Variants in PTPRT observed in about 807,000 individuals in gnomAD.
PTPRT encodes the protein receptor-type tyrosine-protein phosphatase T.
PTPRT carries 56 observed loss-of-function variants against 176.8 expected under a neutral mutation model. That is an observed-to-expected ratio of 0.32 (90% CI 0.26 to 0.40). The LOEUF (loss-of-function observed/expected upper bound fraction) is 0.40. Among genes scored for constraint, PTPRT ranks in the 10% least tolerant of loss-of-function variants. The pLI is 1.00. For missense variants in PTPRT, 1,540 were observed against 1,908.2 expected, an observed-to-expected ratio of 0.81 and a Z score of 3.60; for synonymous variants, 783 against 739.0, an observed-to-expected ratio of 1.06 and a Z score of -0.96.
intron 7 of PTPRT, among the ~76,000 whole-genome samples, chr20:42,647,793 G>A (rs1004007556): frequency 6.6e-6 from 1 of 152,164 alleles, no homozygotes; most frequent in Non-Finnish European, 1.5e-5. Context: ...GGCTCTAGTA[G>A]CCTGTTCCTC....
In PTPRT at chr20:42,700,399, G is replaced by A. The variant is rs2075957533; in HGVS notation, c.860-22240C>T. On this transcript the variant is annotated intron_variant, in intron 6 of 30. Transcript: ENST00000373187. Reference sequence around the variant, plus strand: ...CAAGCTGTGTGGTATAAAAGGATCTGACATGGCTTAGGAAACAGACGCAGA... The same window carrying A: ...CAAGCTGTGTGGTATAAAAGGATCTAACATGGCTTAGGAAACAGACGCAGA... 2.0e-5 allele frequency among the ~76,000 whole-genome samples: 3 copies of A among 152,160 alleles called. No individual in the cohort carries two copies. In the South Asian group the frequency reaches 6.2e-4, roughly 32 times the overall value.
At chr20:42,468,103 C>T (rs1445483775) in intron 8 of PTPRT, among the ~76,000 whole-genome samples, 1 of 152,232 alleles carries the variant, frequency 6.6e-6, no homozygotes, top group Non-Finnish European at 1.5e-5. Context: ...GGCTCAGCAG[C>T]CATGAGCTGC....
Position 42,739,282 on chromosome 20 carries a change from A to C in PTPRT, c.859+17180T>G, listed in dbSNP as rs543733965. Reference sequence around the variant, plus strand: ...TAACAAGGCATTAATAAGAAATGAAAGGGAGAGATAAAAAAAAAGCAGGAT... The same window carrying C: ...TAACAAGGCATTAATAAGAAATGAACGGGAGAGATAAAAAAAAAGCAGGAT... On this transcript the variant is annotated intron_variant, in intron 6 of 30. Transcript: ENST00000373187. Among the ~76,000 whole-genome samples, 499 of 80,830 alleles carry C rather than the reference A, an allele frequency of 6.2e-3. 2 individuals are homozygous for C. The highest frequency in any genetic ancestry group is 8.1e-3 in the Non-Finnish European group (320 of 39,456). 53.0% of individuals were successfully genotyped at this position (80,830 alleles called of 152,430 possible).
At chr20:42,776,224 G>A (rs983710122) in intron 4 of PTPRT, among the ~76,000 whole-genome samples, 3 of 152,236 alleles carry the variant, frequency 2.0e-5, no homozygotes, top group African/African-American at 7.2e-5. Context: ...TATGCTCTAA[G>A]TTTCTTCATT....
intron 1 of PTPRT, among the ~76,000 whole-genome samples, chr20:43,107,983 A>G (rs1208964456): frequency 6.6e-6 from 1 of 152,236 alleles, no homozygotes; most frequent in Non-Finnish European, 1.5e-5. Context: ...GGAAAGCTGA[A>G]GAAATGGGAG....
At chr20:42,667,008 G>A (rs1026948602) in intron 7 of PTPRT, among the ~76,000 whole-genome samples, 6 of 152,150 alleles carry the variant, frequency 3.9e-5, no homozygotes, top group Non-Finnish European at 8.8e-5. Context: ...TAAGAATTCT[G>A]ATCAGTAATG....
intron 6 of PTPRT, among the ~76,000 whole-genome samples, chr20:42,734,693 A>G (rs2076512368): frequency 6.6e-6 from 1 of 152,206 alleles, no homozygotes; most frequent in African/African-American, 2.4e-5. Flanking sequence ...GTACGCAGAT[A>G]CTTGTTTCTT....
intron 17 of PTPRT, among the ~76,000 whole-genome samples, chr20:42,157,479 A>G (rs538989480): frequency 6.6e-6 from 1 of 151,524 alleles, no homozygotes; most frequent in East Asian, 2.0e-4. Context: ...CAGAGTACCT[A>G]GGGTTACAGG....
intron 9 of PTPRT, among the ~76,000 whole-genome samples, chr20:42,409,750 A>C (rs1490423975): frequency 2.0e-5 from 3 of 152,248 alleles, no homozygotes; most frequent in African/African-American, 7.2e-5. Context: ...GCCATGGGCC[A>C]AATTCAACCT....
At chr20:43,173,033 C>A (rs569719502) in intron 1 of PTPRT, among the ~76,000 whole-genome samples, 1 of 151,988 alleles carries the variant, frequency 6.6e-6, no homozygotes, top group Non-Finnish European at 1.5e-5. Flanking sequence ...CCACCAGACA[C>A]GGCTAATTTT....
intron 1 of PTPRT, among the ~76,000 whole-genome samples, chr20:43,135,893 A>C (rs1479298440): frequency 6.6e-6 from 1 of 152,222 alleles, no homozygotes; most frequent in Non-Finnish European, 1.5e-5. Flanking sequence ...AGTCACATGG[A>C]ATAAATTTTA....
chr20:42,468,312 G>A (rs1294333547), intron 8 of PTPRT, among the ~76,000 whole-genome samples: 1 of 152,174 alleles, frequency 6.6e-6, no homozygotes, highest in Admixed American at 6.5e-5. Context: ...CCACGCTCTA[G>A]CCTCATCTTG....
chr20:43,090,495 T>G (rs546225603), intron 1 of PTPRT, among the ~76,000 whole-genome samples: 4 of 152,122 alleles, frequency 2.6e-5, no homozygotes, highest in Non-Finnish European at 5.9e-5. Context: ...GTCTTGATAT[T>G]CTGACCTCGT....
the PTPRT span, among the ~76,000 whole-genome samples, chr20:42,041,564 T>C: frequency 2.0e-5 from 3 of 152,196 alleles, no homozygotes; most frequent in African/African-American, 7.2e-5. Flanking sequence ...TAAAGCACTT[T>C]TACGTATATT....
chr20:42,983,669 G>A (rs1983401671), intron 1 of PTPRT, among the ~76,000 whole-genome samples: 1 of 152,232 alleles, frequency 6.6e-6, no homozygotes, highest in African/African-American at 2.4e-5. Context: ...TGTGGCCAGA[G>A]GCCCTGCCCA....
chr20:42,201,975 G>GTA (rs1555800842), intron 15 of PTPRT, among the ~76,000 whole-genome samples: 5 of 151,422 alleles, frequency 3.3e-5, no homozygotes, highest in South Asian at 2.1e-4. Context: ...GTGTGTGTGT[G>GTA]TGTATGTATG....
chr20:42,829,019 G>A (rs2078043662), intron 2 of PTPRT, among the ~76,000 whole-genome samples: 1 of 151,906 alleles, frequency 6.6e-6, no homozygotes. Context: ...CATGTGCCTG[G>A]AAAAATCACA....
At chr20:42,177,774 G>C (rs532381358) in intron 16 of PTPRT, among the ~76,000 whole-genome samples, 1 of 152,162 alleles carries the variant, frequency 6.6e-6, no homozygotes, top group Non-Finnish European at 1.5e-5. Flanking sequence ...AAGAAGAATG[G>C]TAAGTTTGAC....
At chr20:42,920,948 CACAGGAAATATGGAGGTTGGGA>C (rs1394432911) in intron 1 of PTPRT, among the ~76,000 whole-genome samples, 1 of 152,080 alleles carries the variant, frequency 6.6e-6, no homozygotes, top group African/African-American at 2.4e-5. Context: ...TTTCAGACTC[CACAGGAAATATGGAGGTTGGGA>C]ACAGGTCCTA....
Sources: allele counts gnomAD v4.1 joint callset (sites outside exome capture counted in the v4.1 genomes callset), GRCh38; gene constraint gnomAD v4.1.1; transcripts MANE v1.5; gene names NCBI Gene and HGNC (gene_info 2026-07-23, HGNC 2026-07-21).